CEP89: variants seen among roughly 807,000 people sequenced by gnomAD.
The protein encoded by CEP89 is centrosomal protein 89, also known as centrosomal protein of 89 kDa.
In CEP89, 95 loss-of-function variants were observed where a neutral mutation model predicts 97.6. That is an observed-to-expected ratio of 0.97 (90% CI 0.82 to 1.15). CEP89 has a LOEUF of 1.15. Among genes scored for constraint, CEP89 ranks in the 50% most tolerant of loss-of-function variants. The probability of loss-of-function intolerance (pLI) is 0.00; values close to 1 mark genes in which losing one functional copy is unlikely to be tolerated. For synonymous variants in CEP89, 354 were observed against 349.1 expected (o/e 1.01, Z -0.16); for missense variants, 869 against 947.7 (o/e 0.92, Z 1.09).
chr19:32,928,516 C>T (rs1015489406), intron 9 of CEP89, among the ~76,000 whole-genome samples: 3 of 152,204 alleles, frequency 2.0e-5, no homozygotes, highest in Non-Finnish European at 2.9e-5. Context: ...ATCTCAGGCA[C>T]GGCCCTCCTG....
chr19:32,911,582 G>C (rs1003441443), intron 14 of CEP89, among the ~76,000 whole-genome samples: 8 of 152,238 alleles, frequency 5.3e-5, no homozygotes, highest in Admixed American at 5.2e-4. Flanking sequence ...AGCCTAGGAG[G>C]TGGAGGTTGC....
chr19:32,954,729 A>G (rs936242244), intron 3 of CEP89, among the ~76,000 whole-genome samples: 8 of 151,152 alleles, frequency 5.3e-5, no homozygotes, highest in Admixed American at 2.0e-4. Flanking sequence ...TAGTAGTGCA[A>G]TCTTGGCTTA....
chr19:32,971,733 C>T, intron 1 of CEP89, 103 bp downstream of exon 1: 2 of 1,136,696 alleles, frequency 1.8e-6, no homozygotes, highest in Non-Finnish European at 2.6e-6. Flanking sequence ...CTTGTGCCGC[C>T]CCCTTGACTG....
At chr19:32,949,551 T>C (rs1431792028) in intron 4 of CEP89, among the ~76,000 whole-genome samples, 2 of 152,086 alleles carry the variant, frequency 1.3e-5, no homozygotes, top group East Asian at 3.9e-4. Flanking sequence ...GCCCAGCTAA[T>C]TTTTAAATTT....
chr19:32,961,508 G>A lies in CEP89; in HGVS notation c.147-1450C>T, dbSNP rs563516163. On this transcript the variant is annotated intron_variant, in intron 2 of 18. Transcript: ENST00000305768. ...GCAGGAGAATGGCGTGAACCTGGGA[G>A]GTGGAGCTTGCAGTGAGCCGAGATC... 2.0e-5 allele frequency among the ~76,000 whole-genome samples: 3 copies of A among 151,072 alleles called. No individual in the cohort carries two copies. The South Asian group carries it at 6.3e-4, about 32-fold the overall frequency.
chr19:32,926,040 C>A, intron 11 of CEP89, 150 bp downstream of exon 11: 1 of 676,660 alleles, frequency 1.5e-6, no homozygotes, highest in Non-Finnish European at 2.6e-6. Flanking sequence ...CACCCTGCCA[C>A]ACTCCTTCCT....
At chr19:32,937,699 A>G (rs772939325) in intron 6 of CEP89, 26 bp from the exon 7 acceptor site, 7 of 1,569,718 alleles carry the variant, frequency 4.5e-6, no homozygotes, top group East Asian at 2.2e-5. Context: ...CATAAGAGGA[A>G]TAAGTGCAGA....
chr19:32,964,736 G>A (rs1362323090), intron 2 of CEP89, among the ~76,000 whole-genome samples: 1 of 152,148 alleles, frequency 6.6e-6, no homozygotes. Context: ...TGTGAGAAAG[G>A]AGATGAGAGG....
chr19:32,880,829 A>G (rs75017542), intron 18 of CEP89, among the ~76,000 whole-genome samples: 1,925 of 152,316 alleles, frequency 0.013, 45 homozygotes, highest in African/African-American at 0.04. Flanking sequence ...ACAAAAGTCA[A>G]TGCCAAACCC....
chr19:32,896,435 G>T (rs973058604), intron 16 of CEP89, among the ~76,000 whole-genome samples: 1 of 152,036 alleles, frequency 6.6e-6, no homozygotes, highest in Non-Finnish European at 1.5e-5. Flanking sequence ...AATGAAATTA[G>T]ATCTCTATTT....
chr19:32,948,748 C>A (rs1193897959), intron 4 of CEP89, among the ~76,000 whole-genome samples: 1 of 151,914 alleles, frequency 6.6e-6, no homozygotes, highest in Non-Finnish European at 1.5e-5. Context: ...TTTTTTGAGA[C>A]AGGGTCTCCT....
At chr19:32,933,374 C>A in intron 8 of CEP89, 77 bp downstream of exon 8, 1 of 1,061,888 alleles carries the variant, frequency 9.4e-7, no homozygotes. Context: ...AATATCACAA[C>A]ATAAAATATT....
intron 14 of CEP89, among the ~76,000 whole-genome samples, chr19:32,908,502 T>C (rs1969935580): frequency 1.3e-5 from 2 of 152,172 alleles, no homozygotes; most frequent in Non-Finnish European, 2.9e-5. Context: ...ATTTATAACA[T>C]GGAAGAGGGG....
intron 2 of CEP89, among the ~76,000 whole-genome samples, chr19:32,964,190 G>A (rs1415281450): frequency 7.1e-6 from 1 of 141,480 alleles, no homozygotes; most frequent in Non-Finnish European, 1.5e-5. Context: ...TTTTTTTTTT[G>A]AGATATAAGT....
chr19:32,939,995 C>G (rs944538526), intron 5 of CEP89, 110 bp from the exon 6 acceptor site: 5 of 562,512 alleles, frequency 8.9e-6, no homozygotes, highest in Middle Eastern at 2.8e-4. Context: ...CTCGACAAGG[C>G]CCAGAACAGG....
At chr19:32,955,935 C>T (rs1333363547) in intron 3 of CEP89, among the ~76,000 whole-genome samples, 23 of 152,042 alleles carry the variant, frequency 1.5e-4, no homozygotes, top group Admixed American at 1.5e-3. Context: ...GCCAAAACAA[C>T]TTAAAACCCA....
At chr19:32,971,017 T>C (rs538432814) in intron 1 of CEP89, 1 of 152,162 alleles carries the variant, frequency 6.6e-6, no homozygotes, top group South Asian at 2.1e-4. Flanking sequence ...CAAGACCCTG[T>C]CTCTAAAACT....
In CEP89 at chr19:32,882,021, G is replaced by A. The variant is rs1363765309; in HGVS notation, c.1966-8C>T. ...TGCCTGCTTCTTGTAGCCCTGGTCG[G>A]GGGAAGGACTCTGTGAATGAGGGGA... On this transcript the variant is annotated splice_region_variant and splice_polypyrimidine_tract_variant and intron_variant, in intron 17 of 18. Transcript: ENST00000305768. The A allele has an allele frequency of 1.9e-6, 3 of 1,557,946 alleles. No individual in the cohort carries two copies. Among genetic ancestry groups the A allele is most frequent in the South Asian group, 2.4e-5 (2 of 84,820 alleles).
intron 14 of CEP89, among the ~76,000 whole-genome samples, chr19:32,912,758 T>C (rs994355528): frequency 6.6e-6 from 1 of 152,226 alleles, no homozygotes; most frequent in Admixed American, 6.5e-5. Flanking sequence ...TTATATAAAA[T>C]ATGGCCGGGC....
Sources: gnomAD v4.1 joint callset for allele counts (sites outside exome capture counted in the v4.1 genomes callset) on GRCh38, gnomAD v4.1.1 for gene constraint, MANE v1.5 for transcripts, NCBI Gene and HGNC (gene_info 2026-07-23, HGNC 2026-07-21) for gene names.